ZDHHC13: variants seen among roughly 807,000 people sequenced by gnomAD.
ZDHHC13 encodes zDHHC palmitoyltransferase 13, also known as palmitoyltransferase ZDHHC13.
ZDHHC13 carries 85 observed loss-of-function variants against 86.0 expected under a neutral mutation model. That is an observed-to-expected ratio of 0.99 (90% confidence interval 0.83 to 1.18). The LOEUF is 1.18. Ranked by LOEUF, ZDHHC13 falls within the 50% of genes most tolerant of loss-of-function variation. ZDHHC13 has a pLI of 0.00. For synonymous variants in ZDHHC13, 263 were observed against 246.4 expected, an observed-to-expected ratio of 1.07 and a Z score of -0.63; for missense variants, 711 against 730.2, an observed-to-expected ratio of 0.97 and a Z score of 0.30.
At chr11:19,153,309 C>G (rs1362183184) in intron 8 of ZDHHC13, among the ~76,000 whole-genome samples, 2 of 152,040 alleles carry the variant, frequency 1.3e-5, no homozygotes, top group African/African-American at 4.8e-5. Context: ...TCATGAATGT[C>G]TAAGAAAATC....
intron 8 of ZDHHC13, 89 bp downstream of exon 8, chr11:19,152,773 A>T (rs1849649128): frequency 1.3e-6 from 2 of 1,586,700 alleles, no homozygotes; most frequent in Non-Finnish European, 1.7e-6. Flanking sequence ...GAAACCAGAG[A>T]GTTGGCTTTT....
intron 4 of ZDHHC13, 120 bp from the exon 5 acceptor site, chr11:19,149,067 C>T: frequency 1.1e-6 from 1 of 926,884 alleles, no homozygotes; most frequent in Non-Finnish European, 1.4e-6. Context: ...AAAAATCTTA[C>T]TGTTAGGAAA....
At chr11:19,124,941 C>T (rs961569153) in intron 1 of ZDHHC13, among the ~76,000 whole-genome samples, 3 of 152,036 alleles carry the variant, frequency 2.0e-5, no homozygotes, top group Admixed American at 6.6e-5. Context: ...TCAGTGCAGA[C>T]GAGTGCTCTA....
At chr11:19,149,165 G>C (rs761673497) in intron 4 of ZDHHC13, 22 bp from the exon 5 acceptor site, 4 of 1,513,080 alleles carry the variant, frequency 2.6e-6, no homozygotes, top group Non-Finnish European at 3.6e-6. Context: ...CTACAGAATG[G>C]CTTTTTGTCT....
chr11:19,146,278 A>G lies in ZDHHC13; in HGVS notation c.271A>G (p.Ile91Val). 2 of 1,613,332 alleles carry G rather than the reference A, an allele frequency of 1.2e-6. No homozygotes were observed. Among genetic ancestry groups the G allele is most frequent in the Non-Finnish European group, 1.7e-6 (2 of 1,179,634 alleles). ...ENVSLLHWAA[I>V]NNRLDLVKFY... Reference sequence around the variant, plus strand: ...TGTGTCGCTTCTTCATTGGGCTGCTATTAACAACAGACTGGATCTTGTAAA... The same window carrying G: ...TGTGTCGCTTCTTCATTGGGCTGCTGTTAACAACAGACTGGATCTTGTAAA... The change falls in exon 3 of 17, where the codon ATT becomes GTT. Residue 91 changes from isoleucine (I) to valine (V), a missense_variant. Physicochemically the swap from Ile to Val is conservative, Grantham distance 29 (BLOSUM62 3). Transcript: ENST00000446113.
At chr11:19,137,886 A>G (rs1298749506) in intron 1 of ZDHHC13, among the ~76,000 whole-genome samples, 3 of 151,998 alleles carry the variant, frequency 2.0e-5, no homozygotes, top group African/African-American at 7.2e-5. Context: ...ACAACATACC[A>G]GAATCTCTGG....
chr11:19,150,364 A>G (rs1266504873), intron 5 of ZDHHC13, among the ~76,000 whole-genome samples: 1 of 152,198 alleles, frequency 6.6e-6, no homozygotes, highest in Non-Finnish European at 1.5e-5. Flanking sequence ...ATGACTTTGT[A>G]TAAGAAATGA....
chr11:19,117,190 G>A lies in ZDHHC13; in HGVS notation c.-60G>A. 1.3e-6 allele frequency: 2 copies of A among 1,525,466 alleles called. No individual in the cohort carries two copies. The highest frequency in any genetic ancestry group is 1.8e-6 in the Non-Finnish European group (2 of 1,138,320). 94.5% of individuals were successfully genotyped at this position (1,525,466 alleles called of 1,614,324 possible). A position where few individuals can be genotyped will look rare whatever the true frequency, so the allele number is the denominator to read the frequency against. ...AGAAGAGGCGACCCAAGGCGGGCTG[G>A]CGGGCTGGCGGCAGTCGCTACTTGC... On this transcript the variant is annotated 5_prime_UTR_variant, in exon 1 of 17. Coordinates refer to ENST00000446113, the MANE Select transcript of ZDHHC13 (RefSeq NM_019028.3). This position sits in a 1 kb window ranked among gnomAD's most constrained non-coding sequence, Gnocchi z 4.2.
chr11:19,140,909 A>C (rs1295902115), intron 1 of ZDHHC13, among the ~76,000 whole-genome samples: 1 of 101,170 alleles, frequency 9.9e-6, no homozygotes. Flanking sequence ...TACTCTGGGG[A>C]CTGTTGTGGG....
chr11:19,151,326 A>G (rs917583747), intron 6 of ZDHHC13, among the ~76,000 whole-genome samples: 20 of 152,070 alleles, frequency 1.3e-4, no homozygotes, highest in Non-Finnish European at 1.0e-4. Context: ...TGACCACTGT[A>G]TAGTTCAACT....
At position 19,117,237 on chromosome 11, in the gene ZDHHC13, G is replaced by A. The variant is rs1848663052; in HGVS notation, c.-13G>A. On this transcript the variant is annotated 5_prime_UTR_variant, in exon 1 of 17. Coordinates refer to ENST00000446113, the MANE Select transcript of ZDHHC13 (RefSeq NM_019028.3). The surrounding 1 kb of genome is among the most constrained non-coding windows in gnomAD (Gnocchi z 4.2). Reference sequence around the variant, plus strand: ...TTGCCTAGTAGCCTCAGCCGCTGTGGGCTCCTGGGGAGATGGAGGGGCCGG... The same window carrying A: ...TTGCCTAGTAGCCTCAGCCGCTGTGAGCTCCTGGGGAGATGGAGGGGCCGG... 1 of 1,521,556 alleles carries A rather than the reference G, an allele frequency of 6.6e-7. No homozygotes were observed. 94.3% of individuals were successfully genotyped at this position (1,521,556 alleles called of 1,614,324 possible). A position where few individuals can be genotyped will look rare whatever the true frequency, so the allele number is the denominator to read the frequency against.
At chr11:19,133,942 T>TATATATATATATATATATATGCAC in intron 1 of ZDHHC13, among the ~76,000 whole-genome samples, 1 of 96,082 alleles carries the variant, frequency 1.0e-5, no homozygotes, top group Non-Finnish European at 2.3e-5. Flanking sequence ...TATATATATA[T>TATATATATATATATATATATGCAC]ACACGTATGT....
chr11:19,163,532 C>T, intron 11 of ZDHHC13, 105 bp downstream of exon 11: 2 of 1,199,006 alleles, frequency 1.7e-6, no homozygotes, highest in Non-Finnish European at 2.1e-6. Context: ...GGCTGCATGA[C>T]ATGTGGGGTG....
intron 14 of ZDHHC13, chr11:19,170,109 C>A: frequency 8.6e-7 from 1 of 1,165,456 alleles, no homozygotes; most frequent in South Asian, 2.7e-5. Flanking sequence ...TAATTAACTT[C>A]AGGCTAGTAT....
chr11:19,152,955 G>C (rs938598837), intron 8 of ZDHHC13, among the ~76,000 whole-genome samples: 1 of 152,082 alleles, frequency 6.6e-6, no homozygotes, highest in African/African-American at 2.4e-5. Context: ...TGAATGTATT[G>C]AAATGCAAAA....
At chr11:19,153,750 G>T (rs1052392714) in intron 8 of ZDHHC13, among the ~76,000 whole-genome samples, 1 of 151,908 alleles carries the variant, frequency 6.6e-6, no homozygotes, top group Non-Finnish European at 1.5e-5. Context: ...TTACTCATCC[G>T]CTTTGATGTC....
Position 19,134,864 on chromosome 11 carries a change from A to T in ZDHHC13, c.28-8114A>T, listed in dbSNP as rs141592637. ...CAGAACTTAAAGCATAATAAAAAAAAATTAAAAAGAAAAAAATATTATCTG... is the reference window on the plus strand; with the variant it reads ...CAGAACTTAAAGCATAATAAAAAAATATTAAAAAGAAAAAAATATTATCTG... On this transcript the variant is annotated intron_variant, in intron 1 of 16. Coordinates refer to ENST00000446113, the MANE Select transcript of ZDHHC13 (RefSeq NM_019028.3). Among the ~76,000 whole-genome samples, 433 of 152,312 alleles carry T rather than the reference A, an allele frequency of 2.8e-3. 2 individuals are homozygous for T. Among genetic ancestry groups the T allele is most frequent in the African/African-American group, 0.01 (420 of 41,554 alleles).
chr11:19,137,559 A>C (rs1470326932), intron 1 of ZDHHC13, among the ~76,000 whole-genome samples: 1 of 151,910 alleles, frequency 6.6e-6, no homozygotes, highest in African/African-American at 2.4e-5. Context: ...GCTCTGCACC[A>C]AGCGGACCTA....
intron 1 of ZDHHC13, among the ~76,000 whole-genome samples, chr11:19,131,840 G>A (rs1005644817): frequency 2.0e-5 from 3 of 152,084 alleles, no homozygotes; most frequent in Admixed American, 6.6e-5. Context: ...CACCACATTG[G>A]TCAGGGTGGT....
Sources: gnomAD v4.1 joint callset for allele counts (sites outside exome capture counted in the v4.1 genomes callset) on GRCh38, gnomAD v4.1.1 for gene constraint, Gnocchi (gnomAD v3.1) non-coding constraint, MANE v1.5 for transcripts, NCBI Gene and HGNC (gene_info 2026-07-23, HGNC 2026-07-21) for gene names.